The following ABL2 variants were observed in gnomAD, a reference collection of about 807,000 sequenced individuals.
ABL2 encodes ABL proto-oncogene 2, non-receptor tyrosine kinase, also known as tyrosine-protein kinase ABL2.
A neutral mutation model predicts 107.7 loss-of-function variants in ABL2; 49 were observed. The ratio of observed to expected loss-of-function variants is 0.45; its 90% CI spans 0.36 to 0.58. The LOEUF is 0.58. Among genes scored for constraint, ABL2 ranks in the 20% least tolerant of loss-of-function variants. ABL2 has a pLI of 0.00. For missense variants in ABL2, 1,245 were observed against 1,457.0 expected (o/e 0.85, Z 2.37); for synonymous variants, 549 against 548.6 (o/e 1.00, Z -0.01).
rs369142402 is a variant in ABL2, at chr1:179,156,532, T to C, written c.158-23158A>G. Among the ~76,000 whole-genome samples the C allele has an allele frequency of 5.4e-4, 83 of 152,302 alleles. 2 individuals are homozygous for C. In the South Asian group the frequency reaches 0.016, roughly 29 times the overall value. On this transcript the variant is annotated intron_variant, in intron 1 of 11. Coordinates refer to ENST00000502732, the MANE Select transcript of ABL2 (RefSeq NM_007314.4). The stretch of plus-strand genomic sequence containing the variant: ...TCTCCAGCTTCAAACAAGACTATCA[T>C]GGAAGTTACAAAAGCACTGGAAATT...
At position 179,184,483 on chromosome 1, in the gene ABL2, T is replaced by G. The variant is rs1248015778; in HGVS notation, c.157+44758A>C. The G allele has an allele frequency of 2.4e-5, 20 of 842,318 alleles. No homozygotes were observed. In the East Asian group the frequency reaches 5.3e-4, roughly 22 times the overall value. The allele number at this position is 842,318 out of a possible 1,614,324, so 52.2% of individuals were successfully genotyped here. The stretch of plus-strand genomic sequence containing the variant: ...CATTCTGATGCAGGTGCTCATATGT[T>G]AGGAAAGTTCATCAAAGATGACATT... On this transcript the variant is annotated intron_variant, in intron 1 of 11. Coordinates refer to ENST00000502732, the MANE Select transcript of ABL2 (RefSeq NM_007314.4).
chr1:179,119,390 G>A (rs1218721720), intron 6 of ABL2, among the ~76,000 whole-genome samples: 1 of 151,916 alleles, frequency 6.6e-6, no homozygotes, highest in Admixed American at 6.6e-5. Context: ...ACAAAAATTA[G>A]CTGGGCGTGG....
At chr1:179,136,263 A>G (rs1261216383) in intron 1 of ABL2, among the ~76,000 whole-genome samples, 3 of 151,782 alleles carry the variant, frequency 2.0e-5, no homozygotes, top group Admixed American at 6.6e-5. Context: ...TTTGTGGAAT[A>G]GAAAGGGGGG....
chr1:179,225,974 G>A (rs972845783), intron 1 of ABL2, among the ~76,000 whole-genome samples: 7 of 148,806 alleles, frequency 4.7e-5, no homozygotes, highest in African/African-American at 1.7e-4. Flanking sequence ...AACCCGGGAG[G>A]CGGAGCTTGC....
intron 1 of ABL2, among the ~76,000 whole-genome samples, chr1:179,149,702 C>G (rs1267983831): frequency 2.0e-5 from 3 of 152,190 alleles, no homozygotes; most frequent in Non-Finnish European, 4.4e-5. Context: ...ATAAATGGAA[C>G]AACAAAGCCT....
chr1:179,104,898 C>T lies in ABL2; in HGVS notation c.*2820G>A, dbSNP rs1345490788. 4.5e-6 allele frequency: 1 copy of T among 220,738 alleles called. No individual in the cohort carries two copies. The highest frequency in any genetic ancestry group is 9.1e-6 in the Non-Finnish European group (1 of 110,414). 13.7% of individuals were successfully genotyped at this position (220,738 alleles called of 1,614,324 possible). A position where few individuals can be genotyped will look rare whatever the true frequency, so the allele number is the denominator to read the frequency against. The stretch of plus-strand genomic sequence containing the variant: ...TACACTTTTCCAGAAGCAGTTCTCT[C>T]TGCTTTGGATTCAAACCTTTTAATT... On this transcript the variant is annotated 3_prime_UTR_variant, in exon 12 of 12. Coordinates refer to ENST00000502732, the MANE Select transcript of ABL2 (RefSeq NM_007314.4).
chr1:179,111,281 C>CTTTTT (rs748453531), intron 10 of ABL2, among the ~76,000 whole-genome samples: 10 of 82,270 alleles, frequency 1.2e-4, no homozygotes, highest in Non-Finnish European at 1.5e-4. Flanking sequence ...AGTGCTCAGT[C>CTTTTT]TTTTTTTTTT....
intron 10 of ABL2, 31 bp from the exon 11 acceptor site, chr1:179,110,486 G>C: frequency 6.3e-7 from 1 of 1,576,008 alleles, no homozygotes; most frequent in Non-Finnish European, 8.6e-7. Flanking sequence ...CCAATAAAAA[G>C]AACAATTTCA....
rs1386231034 is a variant in ABL2, at chr1:179,101,038, C to G, written c.*6680G>C. The G allele has an allele frequency of 4.3e-6, 1 of 232,440 alleles. No homozygotes were observed. The highest frequency in any genetic ancestry group is 2.2e-5 in the African/African-American group (1 of 45,300). The allele number at this position is 232,440 out of a possible 1,614,324, so 14.4% of individuals were successfully genotyped here. ...CTGCCAAGTGAACACTCTCAGGAAA[C>G]CACTTCAAGTGGCGGATTCTCACAG... On this transcript the variant is annotated 3_prime_UTR_variant, in exon 12 of 12. Coordinates refer to ENST00000502732, the MANE Select transcript of ABL2 (RefSeq NM_007314.4).
intron 1 of ABL2, among the ~76,000 whole-genome samples, chr1:179,214,216 C>G (rs1487356942): frequency 1.3e-5 from 2 of 151,914 alleles, no homozygotes; most frequent in African/African-American, 4.8e-5. Flanking sequence ...AAAGATCTGC[C>G]TGGACTGGCA....
chr1:179,108,060 C>T lies in ABL2; in HGVS notation c.3207G>A (p.Leu1069=), dbSNP rs769366027. The T allele has an allele frequency of 1.2e-6, 2 of 1,614,240 alleles. No homozygotes were observed. Among genetic ancestry groups the T allele is most frequent in the Admixed American group, 1.7e-5 (1 of 60,024 alleles). Residue 1069 remains leucine (L), a synonymous_variant, in exon 12 of 12, where the codon CTG becomes CTA. Coordinates refer to ENST00000502732, the MANE Select transcript of ABL2 (RefSeq NM_007314.4). ...TCTCAGCGGCCTGTTTGGTTTTTCT[C>T]AGAGCCACTTTAGTACCTGCTGTGC... ...ANGTAGTKVA[L]RKTKQAAEKI...
chr1:179,182,994 T>C (rs1283110970), intron 1 of ABL2, among the ~76,000 whole-genome samples: 3 of 152,126 alleles, frequency 2.0e-5, no homozygotes, highest in Admixed American at 6.5e-5. Flanking sequence ...ACTGGGGCTC[T>C]TGATTTAACA....
Position 179,102,730 on chromosome 1 carries a change from G to A in ABL2, c.*4988C>T, listed in dbSNP as rs4651012. The stretch of plus-strand genomic sequence containing the variant: ...AATGACATCAGTAGCAAAATGGAAG[G>A]GAGCAGAAGGGGTCATAATGAAATG... On this transcript the variant is annotated 3_prime_UTR_variant, in exon 12 of 12. Coordinates refer to ENST00000502732, the MANE Select transcript of ABL2 (RefSeq NM_007314.4). The A allele has an allele frequency of 0.64, 146,628 of 230,068 alleles. 47,211 individuals carry two copies. The highest frequency in any genetic ancestry group is 0.72 in the Middle Eastern group (541 of 754). The allele number at this position is 230,068 out of a possible 1,614,324, so 14.3% of individuals were successfully genotyped here. A position where few individuals can be genotyped will look rare whatever the true frequency, so the allele number is the denominator to read the frequency against.
Position 179,118,763 on chromosome 1 carries a change from A to G in ABL2, c.1047T>C (p.Gly349=). The change falls in exon 7 of 12, where the codon GGT becomes GGC. Residue 349 remains glycine (G), a splice_region_variant and synonymous_variant. Coordinates refer to ENST00000502732, the MANE Select transcript of ABL2 (RefSeq NM_007314.4). ...AAAATGGTGGCTCCAAAGTACACAC[A>G]CCTAAAAGTTGAACAATAGTGCTTG... The part of the protein sequence containing the change: ...IKHPNLVQLL[G]VCTLEPPFYI... The G allele has an allele frequency of 2.5e-6, 4 of 1,613,468 alleles. No homozygotes were observed. The highest frequency in any genetic ancestry group is 3.4e-6 in the Non-Finnish European group (4 of 1,179,692).
chr1:179,229,632 A>ACGCCGCCGCCGCCGCCGCCGCCAC lies in ABL2; in HGVS notation c.-259_-236dup. 2.3e-6 allele frequency: 1 copy of ACGCCGCCGCCGCCGCCGCCGCCAC among 442,870 alleles called. No homozygotes were observed. Among genetic ancestry groups the ACGCCGCCGCCGCCGCCGCCGCCAC allele is most frequent in the Non-Finnish European group, 3.9e-6 (1 of 256,582 alleles). The allele number at this position is 442,870 out of a possible 1,614,324, so 27.4% of individuals were successfully genotyped here. A position where few individuals can be genotyped will look rare whatever the true frequency, so the allele number is the denominator to read the frequency against. On this transcript the variant is annotated 5_prime_UTR_variant, in exon 1 of 12. Transcript: ENST00000502732. ...CTCCTGTCGCGGCTCCGCGCCCCCA[A>ACGCCGCCGCCGCCGCCGCCGCCAC]CGCCGCCGCCGCCGCCGCCGCCACC...
At chr1:179,146,801 A>T (rs1309783908) in intron 1 of ABL2, among the ~76,000 whole-genome samples, 1 of 152,156 alleles carries the variant, frequency 6.6e-6, no homozygotes, top group African/African-American at 2.4e-5. Context: ...ATGAGGAAAA[A>T]GGAAAGGAAA....
At chr1:179,162,299 A>G (rs1482159394) in intron 1 of ABL2, among the ~76,000 whole-genome samples, 3 of 152,236 alleles carry the variant, frequency 2.0e-5, no homozygotes, top group African/African-American at 7.2e-5. Context: ...GAAACCATCC[A>G]AAAGATAGCT....
intron 8 of ABL2, among the ~76,000 whole-genome samples, chr1:179,115,521 T>G (rs1302373867): frequency 6.6e-6 from 1 of 152,150 alleles, no homozygotes; most frequent in East Asian, 1.9e-4. Flanking sequence ...AAGCCATGCT[T>G]CTCCTTCCCG....
chr1:179,173,064 C>T (rs1299743021), intron 1 of ABL2, among the ~76,000 whole-genome samples: 1 of 151,836 alleles, frequency 6.6e-6, no homozygotes, highest in Non-Finnish European at 1.5e-5. Context: ...GTAGTGGGCG[C>T]CTGTAGTCCC....
Sources: gnomAD v4.1 joint callset for allele counts (sites outside exome capture counted in the v4.1 genomes callset) on GRCh38, gnomAD v4.1.1 for gene constraint, MANE v1.5 for transcripts, NCBI Gene and HGNC (gene_info 2026-07-23, HGNC 2026-07-21) for gene names.